SPIDR: variants seen among roughly 807,000 people sequenced by gnomAD.
The protein encoded by SPIDR is DNA repair-scaffolding protein.
SPIDR carries 93 observed loss-of-function variants against 104.6 expected under a neutral mutation model. The observed-to-expected ratio is 0.89, with a 90% CI of 0.75 to 1.06. The LOEUF is 1.06. Among genes scored for constraint, SPIDR ranks in the 50% least tolerant of loss-of-function variants. The probability of loss-of-function intolerance (pLI) is 0.00; values close to 1 mark genes in which losing one functional copy is unlikely to be tolerated. For synonymous variants in SPIDR, 431 were observed against 416.9 expected (o/e 1.03, Z -0.41); for missense variants, 1,154 against 1,111.2 (o/e 1.04, Z -0.55).
intron 4 of SPIDR, among the ~76,000 whole-genome samples, chr8:47,292,942 G>A (rs1388705547): frequency 1.3e-5 from 2 of 152,032 alleles, no homozygotes; most frequent in African/African-American, 4.8e-5. Flanking sequence ...GCGGCTCTGA[G>A]GGCACTTGTG....
intron 5 of SPIDR, among the ~76,000 whole-genome samples, chr8:47,394,150 G>C (rs1259686705): frequency 6.6e-6 from 1 of 152,090 alleles, no homozygotes; most frequent in Non-Finnish European, 1.5e-5. Flanking sequence ...CAAGTGATCT[G>C]CCTGCCTTAG....
intron 7 of SPIDR, among the ~76,000 whole-genome samples, chr8:47,417,357 T>G (rs2064537944): frequency 6.6e-6 from 1 of 152,248 alleles, no homozygotes; most frequent in Non-Finnish European, 1.5e-5. Flanking sequence ...TGGTTTCGAT[T>G]TGCATTTCTC....
intron 5 of SPIDR, among the ~76,000 whole-genome samples, chr8:47,344,132 C>T (rs1347217182): frequency 1.3e-4 from 19 of 141,738 alleles, no homozygotes; most frequent in Admixed American, 2.8e-4. Flanking sequence ...CCCCACCCCA[C>T]GACAAGTCCC....
At chr8:47,616,771 A>C (rs181129954) in intron 10 of SPIDR, among the ~76,000 whole-genome samples, 1 of 152,244 alleles carries the variant, frequency 6.6e-6, no homozygotes, top group Non-Finnish European at 1.5e-5. Flanking sequence ...TACATCTTAC[A>C]TTATTATGAC....
intron 8 of SPIDR, among the ~76,000 whole-genome samples, chr8:47,584,101 A>C (rs1477542551): frequency 6.6e-6 from 1 of 152,100 alleles, no homozygotes; most frequent in Non-Finnish European, 1.5e-5. Flanking sequence ...TTGTGCTATT[A>C]TGTGACTTGA....
chr8:47,610,933 C>G (rs2063523273), intron 10 of SPIDR, among the ~76,000 whole-genome samples: 1 of 152,202 alleles, frequency 6.6e-6, no homozygotes, highest in African/African-American at 2.4e-5. Flanking sequence ...AAAATAAGCT[C>G]TACGTGTTTT....
At chr8:47,583,141 AC>A (rs1433331135) in intron 8 of SPIDR, among the ~76,000 whole-genome samples, 2 of 105,966 alleles carry the variant, frequency 1.9e-5, no homozygotes, top group African/African-American at 5.1e-5. Flanking sequence ...TACTAAAAAT[AC>A]AAAAAAAAAA....
chr8:47,677,054 T>A (rs1417185869), intron 11 of SPIDR, among the ~76,000 whole-genome samples: 1 of 152,246 alleles, frequency 6.6e-6, no homozygotes, highest in African/African-American at 2.4e-5. Flanking sequence ...TTCACAACAG[T>A]GCCAGTCTGA....
At chr8:47,651,149 C>T (rs1385270481) in intron 10 of SPIDR, among the ~76,000 whole-genome samples, 1 of 152,034 alleles carries the variant, frequency 6.6e-6, no homozygotes, top group Non-Finnish European at 1.5e-5. Flanking sequence ...AATCATCAAA[C>T]AGACAACTCA....
At chr8:47,272,524 C>T (rs1240377496) in intron 1 of SPIDR, among the ~76,000 whole-genome samples, 5 of 152,188 alleles carry the variant, frequency 3.3e-5, no homozygotes, top group Admixed American at 3.3e-4. Flanking sequence ...TGCTTTGAGC[C>T]AGTAAGTCTG....
intron 5 of SPIDR, among the ~76,000 whole-genome samples, chr8:47,368,762 A>G (rs1360050558): frequency 6.6e-6 from 1 of 152,202 alleles, no homozygotes; most frequent in Non-Finnish European, 1.5e-5. Flanking sequence ...TTTCCTGTTT[A>G]GTGATGGAAA....
rs565923692 is a variant in SPIDR, at chr8:47,569,744, C to T, written c.1098-26067C>T. Among the ~76,000 whole-genome samples the T allele has an allele frequency of 3.9e-5, 6 of 152,078 alleles. No homozygotes were observed. The South Asian group carries it at 8.3e-4, about 21-fold the overall frequency. On this transcript the variant is annotated intron_variant, in intron 8 of 19. Coordinates refer to ENST00000297423, the MANE Select transcript of SPIDR (RefSeq NM_001080394.4). ...GACATGATTTCAAATGTAGAAAATC[C>T]TAAGGAATTCACTAAAAAGAACTGA...
Position 47,284,009 on chromosome 8 carries a change from A to T in SPIDR, c.190-19A>T. On this transcript the variant is annotated intron_variant, in intron 2 of 19. Transcript: ENST00000297423. Reference sequence around the variant, plus strand: ...TAGCATTTGTCACATAAATTCCATGATTATTATTTTGCCTACAGTCATTAA... The same window carrying T: ...TAGCATTTGTCACATAAATTCCATGTTTATTATTTTGCCTACAGTCATTAA... The T allele has an allele frequency of 6.3e-7, 1 of 1,576,930 alleles. No homozygotes were observed. Among genetic ancestry groups the T allele is most frequent in the South Asian group, 1.2e-5 (1 of 85,816 alleles).
chr8:47,728,151 C>A (rs996359229), intron 17 of SPIDR, among the ~76,000 whole-genome samples: 1 of 150,852 alleles, frequency 6.6e-6, no homozygotes, highest in Admixed American at 6.6e-5. Flanking sequence ...CAAAGATCGG[C>A]CAGGTGCAGT....
rs114190052 is a variant in SPIDR, at chr8:47,722,595, A to G, written c.2342-4605A>G. On this transcript the variant is annotated intron_variant, in intron 16 of 19. Coordinates refer to ENST00000297423, the MANE Select transcript of SPIDR (RefSeq NM_001080394.4). The stretch of plus-strand genomic sequence containing the variant: ...TTACACTCTTCTTTTCCATCTACCT[A>G]CCTTTGCATCTGCACTTTATATTGT... Among the ~76,000 whole-genome samples the G allele has an allele frequency of 2.9e-3, 440 of 152,100 alleles. 2 individuals carry two copies. Among genetic ancestry groups the G allele is most frequent in the African/African-American group, 9.8e-3 (406 of 41,462 alleles).
rs1200142566 is a variant in SPIDR at position 47,735,984 on chromosome 8, A to G, written c.*534A>G. On this transcript the variant is annotated 3_prime_UTR_variant, in exon 20 of 20. Transcript: ENST00000297423. ...TATCACAGGTGAAACTGTTACCCAT[A>G]AAGTGTAGCTCTCTGAACTGGTGTG... 1 of 209,656 alleles carries G rather than the reference A, an allele frequency of 4.8e-6. No homozygotes were observed. Among genetic ancestry groups the G allele is most frequent in the African/African-American group, 2.4e-5 (1 of 42,126 alleles). 13.0% of individuals were successfully genotyped at this position (209,656 alleles called of 1,614,324 possible). A position where few individuals can be genotyped will look rare whatever the true frequency, so the allele number is the denominator to read the frequency against.
chr8:47,678,705 C>G (rs971279394), intron 11 of SPIDR, among the ~76,000 whole-genome samples: 1 of 152,152 alleles, frequency 6.6e-6, no homozygotes, highest in African/African-American at 2.4e-5. Context: ...GCCCACACAG[C>G]CATTTCATCC....
rs182602978 is a variant in SPIDR at position 47,690,440 on chromosome 8, C to T, written c.1686-9963C>T. 3.7e-3 allele frequency among the ~76,000 whole-genome samples: 548 copies of T among 149,698 alleles called. 7 individuals carry two copies. Among genetic ancestry groups the T allele is most frequent in the African/African-American group, 0.013 (519 of 41,102 alleles). ...CAAGAGTTGATTAGGAGGATTTTTT[C>T]TTTATATATTATTATATTATTTTTA... is the stretch of plus-strand genomic sequence containing the variant. On this transcript the variant is annotated intron_variant, in intron 11 of 19. Coordinates refer to ENST00000297423, the MANE Select transcript of SPIDR (RefSeq NM_001080394.4).
rs535744984 is a variant in SPIDR, at chr8:47,569,984, G to T, written c.1098-25827G>T. ...AAACAATGTTGAAAGAGATTAATAG[G>T]GTTAAGAAGGCAATACTCACCAAAT... On this transcript the variant is annotated intron_variant, in intron 8 of 19. Transcript: ENST00000297423. Among the ~76,000 whole-genome samples the T allele has an allele frequency of 2.6e-5, 4 of 152,184 alleles. No homozygotes were observed. The East Asian group carries it at 7.7e-4, about 29-fold the overall frequency.
Sources: allele counts gnomAD v4.1 joint callset (sites outside exome capture counted in the v4.1 genomes callset), GRCh38; gene constraint gnomAD v4.1.1; transcripts MANE v1.5; gene names NCBI Gene and HGNC (gene_info 2026-07-23, HGNC 2026-07-21).